BRMS1L: variants seen among roughly 807,000 people sequenced by gnomAD.
BRMS1L encodes BRMS1 like transcriptional repressor, also known as breast cancer metastasis-suppressor 1-like protein.
In BRMS1L, 23 loss-of-function variants were observed where a neutral mutation model predicts 50.3. The ratio of observed to expected loss-of-function variants is 0.46; its 90% CI spans 0.33 to 0.65. BRMS1L has a LOEUF of 0.65. BRMS1L is among the 30% of genes least tolerant of loss of function. The probability of loss-of-function intolerance (pLI) is 0.02; values close to 1 mark genes in which losing one functional copy is unlikely to be tolerated. For synonymous variants in BRMS1L, 114 were observed against 126.9 expected, an observed-to-expected ratio of 0.90 and a Z score of 0.69; for missense variants, 286 against 386.1, an observed-to-expected ratio of 0.74 and a Z score of 2.17.
chr14:35,851,905 C>T (rs77919942), intron 4 of BRMS1L, among the ~76,000 whole-genome samples: 9,237 of 152,150 alleles, frequency 0.061, 582 homozygotes, highest in African/African-American at 0.15. Flanking sequence ...GTTTTTTTCC[C>T]GTTGTGTATT....
chr14:35,829,409 A>T (rs2077889672), intron 1 of BRMS1L, among the ~76,000 whole-genome samples: 1 of 152,262 alleles, frequency 6.6e-6, no homozygotes, highest in Non-Finnish European at 1.5e-5. Flanking sequence ...ATCCCAAAAA[A>T]TAATGAACAA....
At chr14:35,832,587 T>G (rs926671442) in intron 2 of BRMS1L, among the ~76,000 whole-genome samples, 2 of 152,210 alleles carry the variant, frequency 1.3e-5, no homozygotes, top group African/African-American at 4.8e-5. Flanking sequence ...CAAGTAATTA[T>G]TTATTTTGAC....
Position 35,870,782 on chromosome 14 carries a change from T to A in BRMS1L, c.*305T>A, listed in dbSNP as rs2078481946. 1.2e-5 allele frequency: 2 copies of A among 161,878 alleles called. No homozygotes were observed. The highest frequency in any genetic ancestry group is 4.8e-5 in the African/African-American group (2 of 41,696). 10.0% of individuals were successfully genotyped at this position (161,878 alleles called of 1,614,324 possible). The stretch of plus-strand genomic sequence containing the variant: ...TTAAAAAAAGTTATGCAAATTTGTC[T>A]TATCTTTAGTAAACTATGACTACAT... On this transcript the variant is annotated 3_prime_UTR_variant, in exon 10 of 10. Transcript: ENST00000216807.
At position 35,870,463 on chromosome 14, in the gene BRMS1L, A is replaced by G; in HGVS notation, c.958A>G (p.Ile320Val). Residue 320 changes from isoleucine (I) to valine (V), a missense_variant, in exon 10 of 10, where the codon ATT becomes GTT. Around this residue, in one of 5 missense-constraint regions of BRMS1L, gnomAD observed 7 missense variants for 19.2 expected, o/e 0.37. Transcript: ENST00000216807. ...ACAGCTACAGAAAGGAAAATATTCA[A>G]TTAAACATTCATAATCATGATTTAA... ...ISQLQKGKYS[I>V]KHS 1 of 1,590,706 alleles carries G rather than the reference A, an allele frequency of 6.3e-7. No individual in the cohort carries two copies. The highest frequency in any genetic ancestry group is 8.6e-7 in the Non-Finnish European group (1 of 1,161,980).
At chr14:35,831,540 A>C in intron 2 of BRMS1L, 40 bp downstream of exon 2, 6 of 1,453,708 alleles carry the variant, frequency 4.1e-6, no homozygotes, top group Non-Finnish European at 5.8e-6. Context: ...ACTGAATCTC[A>C]ACCTTGTCAC....
intron 1 of BRMS1L, among the ~76,000 whole-genome samples, chr14:35,830,361 G>C (rs760150277): frequency 6.7e-6 from 1 of 149,512 alleles, no homozygotes; most frequent in Non-Finnish European, 1.5e-5. Flanking sequence ...GAGCCACCAT[G>C]CCTGGCCTTT....
intron 4 of BRMS1L, among the ~76,000 whole-genome samples, chr14:35,858,342 C>A (rs1190015867): frequency 6.6e-6 from 1 of 152,154 alleles, no homozygotes; most frequent in Non-Finnish European, 1.5e-5. Context: ...CCAGCTGCAT[C>A]TGTCTTCTTG....
intron 4 of BRMS1L, among the ~76,000 whole-genome samples, chr14:35,846,637 C>T (rs2078138805): frequency 6.6e-6 from 1 of 152,168 alleles, no homozygotes; most frequent in Non-Finnish European, 1.5e-5. Flanking sequence ...AAAATCCCAG[C>T]AGTGATGCTG....
chr14:35,826,677 G>C lies in BRMS1L; in HGVS notation c.142+19G>C, dbSNP rs1436206381. The C allele has an allele frequency of 6.2e-6, 10 of 1,608,192 alleles. No homozygotes were observed. Among genetic ancestry groups the C allele is most frequent in the Non-Finnish European group, 8.5e-6 (10 of 1,177,944 alleles). On this transcript the variant is annotated intron_variant, in intron 1 of 9. Coordinates refer to ENST00000216807, the MANE Select transcript of BRMS1L (RefSeq NM_032352.4). Reference sequence around the variant, plus strand: ...AGCTCAGGTGCGCGACCCACTGCTGGGACCCTGAGTCCCCGCGCCCAGCGC... The same window carrying C: ...AGCTCAGGTGCGCGACCCACTGCTGCGACCCTGAGTCCCCGCGCCCAGCGC...
intron 4 of BRMS1L, among the ~76,000 whole-genome samples, chr14:35,859,190 A>C (rs1165936243): frequency 1.3e-5 from 2 of 151,982 alleles, no homozygotes; most frequent in African/African-American, 4.8e-5. Flanking sequence ...GTGATCCGCC[A>C]GCCTCAGCCT....
intron 4 of BRMS1L, among the ~76,000 whole-genome samples, chr14:35,845,997 G>A (rs758106500): frequency 2.0e-5 from 3 of 152,188 alleles, no homozygotes; most frequent in Non-Finnish European, 2.9e-5. Context: ...TTGAGAGTGA[G>A]TTTACAGCAT....
intron 2 of BRMS1L, 78 bp from the exon 3 acceptor site, chr14:35,832,900 A>G: frequency 7.6e-7 from 1 of 1,311,872 alleles, no homozygotes; most frequent in African/African-American, 1.5e-5. Flanking sequence ...TATTGGGAAC[A>G]AATAATGTAT....
chr14:35,855,303 G>C (rs2078265778), intron 4 of BRMS1L, among the ~76,000 whole-genome samples: 1 of 152,142 alleles, frequency 6.6e-6, no homozygotes, highest in East Asian at 1.9e-4. Flanking sequence ...TGTTGCCCAG[G>C]CTGGTCTTGA....
At chr14:35,856,465 C>T (rs2078280279) in intron 4 of BRMS1L, among the ~76,000 whole-genome samples, 1 of 152,150 alleles carries the variant, frequency 6.6e-6, no homozygotes, top group Non-Finnish European at 1.5e-5. Context: ...ATTCGGGGTT[C>T]TGATCTTTTC....
chr14:35,834,121 T>C (rs1339645813), intron 3 of BRMS1L, among the ~76,000 whole-genome samples: 1 of 152,194 alleles, frequency 6.6e-6, no homozygotes, highest in African/African-American at 2.4e-5. Context: ...GTTCCAGATA[T>C]CTGTCTCTTG....
chr14:35,848,346 G>GT (rs550810170), intron 4 of BRMS1L, among the ~76,000 whole-genome samples: 20 of 151,836 alleles, frequency 1.3e-4, no homozygotes, highest in South Asian at 1.0e-3. Context: ...ATTATTATTA[G>GT]TTTTTTTTAT....
chr14:35,831,628 C>G (rs187285336), intron 2 of BRMS1L, 128 bp downstream of exon 2: 1 of 669,006 alleles, frequency 1.5e-6, no homozygotes, highest in African/African-American at 1.8e-5. Context: ...TTGAAAGAGG[C>G]TTCAACTATT....
chr14:35,844,049 AGTGTCC>A (rs1433196263), intron 4 of BRMS1L, among the ~76,000 whole-genome samples: 3 of 152,158 alleles, frequency 2.0e-5, no homozygotes, highest in African/African-American at 7.2e-5. Context: ...ACCAAGCTCA[AGTGTCC>A]CAGGTCAACT....
At chr14:35,869,539 A>T (rs1167252423) in intron 9 of BRMS1L, among the ~76,000 whole-genome samples, 1 of 151,818 alleles carries the variant, frequency 6.6e-6, no homozygotes, top group Admixed American at 6.6e-5. Context: ...AAAAATTCCT[A>T]TTCACTCTTT....
Sources: gnomAD v4.1 joint callset for allele counts (sites outside exome capture counted in the v4.1 genomes callset) on GRCh38, gnomAD v4.1.1 for gene constraint, gnomAD v4.1.1 regional missense constraint, MANE v1.5 for transcripts, NCBI Gene and HGNC (gene_info 2026-07-23, HGNC 2026-07-21) for gene names.